Variants in CRB1 observed in about 807,000 individuals in gnomAD.
The protein encoded by CRB1 is protein crumbs homolog 1.
Under a neutral mutation model 120.0 loss-of-function variants are expected in CRB1, and 83 were observed. That is an observed-to-expected ratio of 0.69 (90% CI 0.58 to 0.83). The LOEUF is 0.83. Ranked by LOEUF, CRB1 falls within the 40% of genes least tolerant of loss-of-function variation. CRB1 has a pLI of 0.00. For synonymous variants in CRB1, 625 were observed against 612.5 expected (o/e 1.02, Z -0.30); for missense variants, 1,699 against 1,687.6 (o/e 1.01, Z -0.12).
At chr1:197,325,714 A>G (rs1161297352) in intron 1 of CRB1, among the ~76,000 whole-genome samples, 3 of 152,000 alleles carry the variant, frequency 2.0e-5, no homozygotes, top group Non-Finnish European at 4.4e-5. Flanking sequence ...CAGTTTGAGG[A>G]AAAAAAACAC....
intron 11 of CRB1, among the ~76,000 whole-genome samples, chr1:197,466,921 C>T (rs1198097676): frequency 6.6e-6 from 1 of 152,202 alleles, no homozygotes; most frequent in East Asian, 1.9e-4. Flanking sequence ...GTGTGTCCAA[C>T]ACCGTGCAAG....
Position 197,268,373 on chromosome 1 carries a change from C to T in CRB1, c.-40C>T, listed in dbSNP as rs763752748. The T allele has an allele frequency of 4.7e-6, 7 of 1,489,566 alleles. No homozygotes were observed. In the African/African-American group the frequency reaches 6.9e-5, roughly 15 times the overall value. 92.3% of individuals were successfully genotyped at this position (1,489,566 alleles called of 1,614,324 possible). The stretch of plus-strand genomic sequence containing the variant: ...GATCAGGAGCCGGACTGGGACCAGA[C>T]CACCAGCAACACACCAGAGGATGTT... On this transcript the variant is annotated 5_prime_UTR_variant, in exon 1 of 12. Transcript: ENST00000367400.
chr1:197,280,425 C>G (rs1310220389), intron 1 of CRB1, among the ~76,000 whole-genome samples: 1 of 151,768 alleles, frequency 6.6e-6, no homozygotes, highest in African/African-American at 2.4e-5. Flanking sequence ...TATTCATCAC[C>G]AGCTACATGT....
At chr1:197,476,024 C>G (rs914074388) in intron 11 of CRB1, among the ~76,000 whole-genome samples, 1 of 152,066 alleles carries the variant, frequency 6.6e-6, no homozygotes, top group African/African-American at 2.4e-5. Flanking sequence ...ATTCTTCTGC[C>G]TCAGCCTCCC....
In CRB1 at chr1:197,427,961, T is replaced by C. The variant is rs772386967; in HGVS notation, c.2636T>C (p.Val879Ala). The C allele has an allele frequency of 1.2e-5, 20 of 1,613,838 alleles. No homozygotes were observed. The highest frequency in any genetic ancestry group is 1.7e-5 in the Non-Finnish European group (20 of 1,179,964). The change falls in exon 7 of 12, where the codon GTC becomes GCC. Residue 879 changes from valine (V) to alanine (A), a missense_variant. Coordinates refer to ENST00000367400, the MANE Select transcript of CRB1 (RefSeq NM_201253.3). The stretch of plus-strand genomic sequence containing the variant: ...AATGCATCTCTCAATCCAGTTCTTG[T>C]CAATGTAACCCAAGGCTGTGCTGGA... Reference protein sequence around the residue: ...TNNASLNPVLVNVTQGCAGDN... With the variant: ...TNNASLNPVLANVTQGCAGDN...
At chr1:197,474,767 C>A (rs550004066) in intron 11 of CRB1, among the ~76,000 whole-genome samples, 2 of 152,242 alleles carry the variant, frequency 1.3e-5, no homozygotes, top group African/African-American at 4.8e-5. Context: ...TCCAGGAGAA[C>A]CGCCATTTAC....
intron 1 of CRB1, among the ~76,000 whole-genome samples, chr1:197,326,437 G>C (rs1307244736): frequency 6.6e-6 from 1 of 151,970 alleles, no homozygotes. Flanking sequence ...AGACCACCCT[G>C]GCGGCAACAT....
chr1:197,287,959 C>T (rs2125231757), intron 1 of CRB1, among the ~76,000 whole-genome samples: 1 of 151,756 alleles, frequency 6.6e-6, no homozygotes, highest in Admixed American at 6.6e-5. Flanking sequence ...GTAGTCATCC[C>T]TAAGAAATGG....
chr1:197,429,418 T>C (rs1664761931), intron 7 of CRB1, 31 bp from the exon 8 acceptor site: 1 of 1,613,356 alleles, frequency 6.2e-7, no homozygotes, highest in Admixed American at 1.7e-5. Context: ...TTGCCAGTGC[T>C]TTTTATACCT....
At chr1:197,290,922 T>C (rs1233140202) in intron 1 of CRB1, among the ~76,000 whole-genome samples, 1 of 151,774 alleles carries the variant, frequency 6.6e-6, no homozygotes, top group Non-Finnish European at 1.5e-5. Flanking sequence ...TAAATGTATT[T>C]TTAATTGTAA....
chr1:197,264,357 T>G (rs1654585097), upstream of CRB1, among the ~76,000 whole-genome samples: 1 of 152,224 alleles, frequency 6.6e-6, no homozygotes, highest in South Asian at 2.1e-4. Flanking sequence ...CCGTATTTTC[T>G]TTATCCAATC....
At chr1:197,247,773 A>G in the CRB1 span, among the ~76,000 whole-genome samples, 1 of 152,036 alleles carries the variant, frequency 6.6e-6, no homozygotes, top group Non-Finnish European at 1.5e-5. Context: ...TCTTATCTGA[A>G]TCAGTTTGTT....
At chr1:197,449,046 G>A (rs1665831621) in intron 11 of CRB1, among the ~76,000 whole-genome samples, 1 of 152,144 alleles carries the variant, frequency 6.6e-6, no homozygotes, top group Admixed American at 6.5e-5. Context: ...GAAACTGCAG[G>A]CTATTTAAGA....
chr1:197,219,317 T>C, the CRB1 span, among the ~76,000 whole-genome samples: 1 of 152,260 alleles, frequency 6.6e-6, no homozygotes, highest in Admixed American at 6.5e-5. Flanking sequence ...ACTTTTAATC[T>C]TCACAAAATC....
chr1:197,259,651 A>G, the CRB1 span, among the ~76,000 whole-genome samples: 8 of 152,206 alleles, frequency 5.3e-5, no homozygotes, highest in Non-Finnish European at 1.2e-4. Context: ...CTGTGTAACA[A>G]ACCTGCACTT....
intron 5 of CRB1, among the ~76,000 whole-genome samples, chr1:197,368,547 A>AT (rs1357529890): frequency 6.6e-6 from 1 of 152,204 alleles, no homozygotes; most frequent in Non-Finnish European, 1.5e-5. Context: ...CTTACTGCCT[A>AT]TTATTTAGAA....
At chr1:197,269,953 C>T (rs1654818414) in intron 1 of CRB1, among the ~76,000 whole-genome samples, 1 of 152,034 alleles carries the variant, frequency 6.6e-6, no homozygotes, top group Admixed American at 6.6e-5. Context: ...TAAAAAAGTA[C>T]ATTTGAAGTC....
the CRB1 span, among the ~76,000 whole-genome samples, chr1:197,248,477 C>A: frequency 1.6e-4 from 25 of 151,864 alleles, no homozygotes; most frequent in Non-Finnish European, 2.9e-4. Flanking sequence ...AACCAAACTC[C>A]AAATTGTGTA....
At chr1:197,368,248 A>G (rs1661185541) in intron 5 of CRB1, among the ~76,000 whole-genome samples, 1 of 152,176 alleles carries the variant, frequency 6.6e-6, no homozygotes, top group African/African-American at 2.4e-5. Flanking sequence ...GAGAATATAA[A>G]TCCTAGGACT....
Sources: allele counts gnomAD v4.1 joint callset (sites outside exome capture counted in the v4.1 genomes callset), GRCh38; gene constraint gnomAD v4.1.1; transcripts MANE v1.5; gene names NCBI Gene and HGNC (gene_info 2026-07-23, HGNC 2026-07-21).